The following FAT2 variants were observed in gnomAD, a reference collection of about 807,000 sequenced individuals.
FAT2 encodes protocadherin Fat 2.
A neutral mutation model predicts 295.3 loss-of-function variants in FAT2; 150 were observed. The observed-to-expected ratio is 0.51, with a 90% CI of 0.44 to 0.58. The LOEUF (loss-of-function observed/expected upper bound fraction) is 0.58, where lower values mean the gene tolerates loss of function less well. FAT2 is among the 20% of genes least tolerant of loss of function. The probability of loss-of-function intolerance (pLI) is 0.00; values close to 1 mark genes in which losing one functional copy is unlikely to be tolerated. For synonymous variants in FAT2, 2,026 were observed against 2,150.3 expected (o/e 0.94, Z 1.60); for missense variants, 4,868 against 5,442.7 (o/e 0.89, Z 3.32).
chr5:151,585,202 A>G (rs1343743294), intron 1 of FAT2, among the ~76,000 whole-genome samples: 1 of 152,250 alleles, frequency 6.6e-6, no homozygotes, highest in African/African-American at 2.4e-5. Flanking sequence ...GGCCATCTGA[A>G]TAAGAGTCAC....
intron 1 of FAT2, among the ~76,000 whole-genome samples, chr5:151,575,832 T>C (rs1454007723): frequency 3.9e-5 from 6 of 152,242 alleles, no homozygotes; most frequent in Non-Finnish European, 8.8e-5. Context: ...TCTGTCTCTG[T>C]GCTGTCCAGG....
At position 151,531,968 on chromosome 5, in the gene FAT2, C is replaced by T. The variant is rs762067636; in HGVS notation, c.9430G>A (p.Ala3144Thr). Residue 3144 changes from alanine to threonine, a missense_variant and splice_region_variant, in exon 14 of 24, where the codon GCC becomes ACC. Ala to Thr is a moderately conservative substitution (Grantham distance 58). Coordinates refer to ENST00000261800, the MANE Select transcript of FAT2 (RefSeq NM_001447.3). The surrounding 1 kb of genome is among the most constrained non-coding windows in gnomAD (Gnocchi z 5.7). ...VVFARDPDQG[A>T]NAQVVYSLPD... ...AGAGAGTAAACCACCTGGGCATTGG[C>T]GCCTGGCAGGGAGACCAAGGGTGTG... 1 of 1,613,938 alleles carries T rather than the reference C, an allele frequency of 6.2e-7. No homozygotes were observed. The highest frequency in any genetic ancestry group is 8.5e-7 in the Non-Finnish European group (1 of 1,179,926).
chr5:151,536,456 T>G (rs1462218220), intron 12 of FAT2, among the ~76,000 whole-genome samples: 1 of 152,112 alleles, frequency 6.6e-6, no homozygotes, highest in African/African-American at 2.4e-5. Flanking sequence ...AAGCCAAATG[T>G]CAGCAGCTGG....
At chr5:151,532,124 G>A (rs556176704) in intron 13 of FAT2, among the ~76,000 whole-genome samples, 154 bp from the exon 14 acceptor site, 2 of 152,274 alleles carry the variant, frequency 1.3e-5, no homozygotes, top group East Asian at 1.9e-4. Flanking sequence ...TCTCTCCAGC[G>A]GGGTGTCTTG....
chr5:151,524,923 C>A (rs1442167446), intron 18 of FAT2, among the ~76,000 whole-genome samples: 3 of 152,246 alleles, frequency 2.0e-5, no homozygotes, highest in Non-Finnish European at 4.4e-5. Context: ...ATGAGTCTCT[C>A]ATCACTTTAC....
At chr5:151,533,050 A>G (rs1000610425) in intron 13 of FAT2, among the ~76,000 whole-genome samples, 5 of 152,230 alleles carry the variant, frequency 3.3e-5, no homozygotes, top group African/African-American at 1.2e-4. Context: ...TGGAATAACC[A>G]TTTTGGAAAG....
At chr5:151,580,368 G>A (rs190443502) in intron 1 of FAT2, among the ~76,000 whole-genome samples, 8 of 152,330 alleles carry the variant, frequency 5.3e-5, no homozygotes, top group African/African-American at 1.9e-4. Flanking sequence ...TTTGTGAAAT[G>A]GGGCTGGTAA....
chr5:151,590,711 C>A (rs1036892282), intron 1 of FAT2, among the ~76,000 whole-genome samples: 4 of 152,178 alleles, frequency 2.6e-5, no homozygotes, highest in African/African-American at 9.7e-5. Flanking sequence ...GTTCCTATGC[C>A]CACCTGGACA....
intron 23 of FAT2, among the ~76,000 whole-genome samples, chr5:151,506,642 T>C (rs1760901322): frequency 6.6e-6 from 1 of 152,202 alleles, no homozygotes; most frequent in African/African-American, 2.4e-5. Flanking sequence ...ATTTGACACA[T>C]AGTGAAAATA....
In FAT2 at chr5:151,528,078, A is replaced by G. The variant is rs1407015794; in HGVS notation, c.10082T>C (p.Ile3361Thr). The G allele has an allele frequency of 1.2e-6, 2 of 1,614,088 alleles. No individual in the cohort carries two copies. The highest frequency in any genetic ancestry group is 1.1e-5 in the South Asian group (1 of 91,074). Residue 3361 changes from isoleucine (I) to threonine (T), a missense_variant, in exon 16 of 24, where the codon ATA becomes ACA. Ile to Thr is a moderately conservative substitution (Grantham distance 89). Around this residue, in one of 5 missense-constraint regions of FAT2, gnomAD observed 1,046 missense variants for 1,210.1 expected, o/e 0.86. Coordinates refer to ENST00000261800, the MANE Select transcript of FAT2 (RefSeq NM_001447.3). ...GAAGTGCCCAAGCTGGTTCCCTCCT[A>G]TGAGGCTATAGGTAATGTCACTATT... ...PLNSDITYSLIGGNQLGHFTI... is the reference protein window; with the variant it reads ...PLNSDITYSLTGGNQLGHFTI...
At chr5:151,587,364 G>C (rs1452388147) in intron 1 of FAT2, among the ~76,000 whole-genome samples, 1 of 151,844 alleles carries the variant, frequency 6.6e-6, no homozygotes, top group Non-Finnish European at 1.5e-5. Flanking sequence ...TCAATGATCT[G>C]GCCCCAACCT....
At chr5:151,580,737 G>A (rs1000074856) in intron 1 of FAT2, among the ~76,000 whole-genome samples, 1 of 152,144 alleles carries the variant, frequency 6.6e-6, no homozygotes, top group Non-Finnish European at 1.5e-5. Flanking sequence ...GCAGAGGGTG[G>A]GTGTGAAGTG....
Position 151,567,345 on chromosome 5 carries a change from A to G in FAT2, c.1587T>C (p.Tyr529=), listed in dbSNP as rs917700995. ...AGTCTGATGCTCTTACCCGGAAGGTATAAATTCTTTTCATGAGTTCATAGT... is the reference window on the plus strand; with the variant it reads ...AGTCTGATGCTCTTACCCGGAAGGTGTAAATTCTTTTCATGAGTTCATAGT... ...PMDYELMKRI[Y]TFRVRASDWG... Residue 529 remains tyrosine (Y), a synonymous_variant, in exon 2 of 24, where the codon TAT becomes TAC. Coordinates refer to ENST00000261800, the MANE Select transcript of FAT2 (RefSeq NM_001447.3). 6.2e-7 allele frequency: 1 copy of G among 1,614,252 alleles called. No individual in the cohort carries two copies. The highest frequency in any genetic ancestry group is 1.1e-5 in the South Asian group (1 of 91,086).
Position 151,568,468 on chromosome 5 carries a change from ACT to A in FAT2, c.462_463del (p.Arg154SerfsTer5), listed in dbSNP as rs1195364482. ...CAGGGGCATGTCCTCAGAGATGGTG[ACT>A]CTGTACGAAGGTGGAGAGAAGAGAG... On this transcript the variant is annotated frameshift_variant, in exon 2 of 24. Coordinates refer to ENST00000261800, the MANE Select transcript of FAT2 (RefSeq NM_001447.3). LOFTEE classifies it high-confidence loss of function. The A allele has an allele frequency of 1.2e-6, 2 of 1,613,818 alleles. No homozygotes were observed. The highest frequency in any genetic ancestry group is 1.7e-6 in the Non-Finnish European group (2 of 1,179,978).
intron 12 of FAT2, 90 bp downstream of exon 12, chr5:151,537,703 G>T (rs1292513145): frequency 1.5e-5 from 20 of 1,326,180 alleles, no homozygotes; most frequent in Non-Finnish European, 2.1e-5. Flanking sequence ...GTGAATTCCT[G>T]TTTCTTCTCC....
chr5:151,566,288 C>G lies in FAT2; in HGVS notation c.2644G>C (p.Asp882His). ...TGELVVTGHL[D>H]RESEPRYILK... ...ATGTACCGAGGCTCTGATTCGCGGT[C>G]CAGGTGTCCTGTAACAACCAGTTCC... Residue 882 changes from aspartate to histidine, a missense_variant, in exon 2 of 24, where the codon GAC (aspartate) becomes CAC (histidine). By Grantham distance (81) the Asp-to-His change is moderately conservative (BLOSUM62 -1). This residue lies in a region of FAT2 where 3,297 missense variants were observed against 3,669.4 expected (regional missense o/e 0.90). Coordinates refer to ENST00000261800, the MANE Select transcript of FAT2 (RefSeq NM_001447.3). The G allele has an allele frequency of 2.5e-6, 4 of 1,614,098 alleles. No individual in the cohort carries two copies. The highest frequency in any genetic ancestry group is 3.4e-6 in the Non-Finnish European group (4 of 1,180,018).
chr5:151,590,710 C>T (rs1340432057), intron 1 of FAT2, among the ~76,000 whole-genome samples: 1 of 152,194 alleles, frequency 6.6e-6, no homozygotes, highest in Non-Finnish European at 1.5e-5. Context: ...GGTTCCTATG[C>T]CCACCTGGAC....
chr5:151,566,681 C>A lies in FAT2; in HGVS notation c.2251G>T (p.Val751Phe), dbSNP rs1433557299. The A allele has an allele frequency of 6.2e-7, 1 of 1,614,138 alleles. No individual in the cohort carries two copies. The highest frequency in any genetic ancestry group is 8.5e-7 in the Non-Finnish European group (1 of 1,180,034). Residue 751 changes from valine (V) to phenylalanine (F), a missense_variant, in exon 2 of 24, where the codon GTC (valine) becomes TTC (phenylalanine). By Grantham distance (50) the Val-to-Phe change is conservative. Transcript: ENST00000261800. ...DPDAGFNGKL[V>F]YVIADGNEEG... ...TCATTGCCATCTGCAATCACATAGA[C>A]CAGTTTGCCATTAAAACCAGCATCA...
chr5:151,566,129 G>A lies in FAT2; in HGVS notation c.2803C>T (p.Pro935Ser). ...CITEHNRLKVPEDLPPGTVLT... is the reference protein window; with the variant it reads ...CITEHNRLKVSEDLPPGTVLT... ...ACAGTCCCGGGGGGCAGGTCCTCTG[G>A]AACCTTCAGCCTGTTGTGTTCTGTG... Residue 935 changes from proline (P) to serine (S), a missense_variant, in exon 2 of 24, where the codon CCA becomes TCA. Around this residue, in one of 5 missense-constraint regions of FAT2, gnomAD observed 3,297 missense variants for 3,669.4 expected, o/e 0.90. Transcript: ENST00000261800. 6.2e-7 allele frequency: 1 copy of A among 1,614,106 alleles called. No homozygotes were observed. The highest frequency in any genetic ancestry group is 1.1e-5 in the South Asian group (1 of 91,054).
Sources: allele counts gnomAD v4.1 joint callset (sites outside exome capture counted in the v4.1 genomes callset), GRCh38; gene constraint gnomAD v4.1.1; regional missense constraint gnomAD v4.1.1; non-coding constraint Gnocchi (gnomAD v3.1); transcripts MANE v1.5; gene names NCBI Gene and HGNC (gene_info 2026-07-23, HGNC 2026-07-21).